Variants in ENTPD6 observed in about 807,000 individuals in gnomAD.
The protein encoded by ENTPD6 is CD39 antigen-like 2.
A neutral mutation model predicts 61.5 loss-of-function variants in ENTPD6; 46 were observed. That is an observed-to-expected ratio of 0.75 (90% confidence interval 0.59 to 0.96). The LOEUF (loss-of-function observed/expected upper bound fraction) is 0.96. Among genes scored for constraint, ENTPD6 ranks in the 40% least tolerant of loss-of-function variants. The pLI, the probability that ENTPD6 is intolerant of heterozygous loss-of-function variation, is 0.00. For synonymous variants in ENTPD6, 252 were observed against 255.5 expected, an observed-to-expected ratio of 0.99 and a Z score of 0.13; for missense variants, 612 against 629.0, an observed-to-expected ratio of 0.97 and a Z score of 0.29.
chr20:25,207,519 G>A (rs2091608250), intron 3 of ENTPD6, 122 bp downstream of exon 3: 9 of 842,262 alleles, frequency 1.1e-5, no homozygotes, highest in East Asian at 2.8e-5. Context: ...AGATGCTGAC[G>A]CTGGTATGGG....
At chr20:25,217,872 A>C (rs367945239) in intron 9 of ENTPD6, among the ~76,000 whole-genome samples, 148 of 120,030 alleles carry the variant, frequency 1.2e-3, no homozygotes, top group East Asian at 3.8e-3. Flanking sequence ...TACGCACATT[A>C]ACCCAGACCT....
Position 25,209,840 on chromosome 20 carries a change from T to G in ENTPD6, c.377-9T>G. 1 of 1,612,176 alleles carries G rather than the reference T, an allele frequency of 6.2e-7. No individual in the cohort carries two copies. Among genetic ancestry groups the G allele is most frequent in the Non-Finnish European group, 8.5e-7 (1 of 1,178,188 alleles). Reference sequence around the variant, plus strand: ...TAGTTGTACCCTTTTCAACATGTTTTCCCCTTAGAAACTCCCACGTTAACC... The same window carrying G: ...TAGTTGTACCCTTTTCAACATGTTTGCCCCTTAGAAACTCCCACGTTAACC... On this transcript the variant is annotated splice_polypyrimidine_tract_variant and intron_variant, in intron 3 of 14. Coordinates refer to ENST00000376652, the MANE Select transcript of ENTPD6 (RefSeq NM_001247.5).
intron 1 of ENTPD6, 61 bp from the exon 2 acceptor site, chr20:25,206,461 C>A: frequency 7.8e-7 from 1 of 1,281,922 alleles, no homozygotes; most frequent in Non-Finnish European, 1.1e-6. Context: ...ATTTATTTTG[C>A]TACTCTAGTA....
chr20:25,211,507 A>G (rs546364369), intron 4 of ENTPD6, among the ~76,000 whole-genome samples: 26 of 152,330 alleles, frequency 1.7e-4, no homozygotes, highest in Admixed American at 3.9e-4. Flanking sequence ...GTATGTAAAC[A>G]GAGTCATCTG....
At chr20:25,198,026 G>T (rs1318660814) in intron 1 of ENTPD6, among the ~76,000 whole-genome samples, 1 of 152,148 alleles carries the variant, frequency 6.6e-6, no homozygotes, top group African/African-American at 2.4e-5. Flanking sequence ...TGTGAGGCAG[G>T]CTTTGTGGGG....
intron 3 of ENTPD6, among the ~76,000 whole-genome samples, chr20:25,208,316 G>C (rs1198278551): frequency 6.6e-6 from 1 of 152,126 alleles, no homozygotes; most frequent in East Asian, 1.9e-4. Flanking sequence ...AAGTGGCTTC[G>C]AAGCCTGTAA....
At chr20:25,206,652 T>A in intron 2 of ENTPD6, 62 bp downstream of exon 2, 2 of 1,193,408 alleles carry the variant, frequency 1.7e-6, no homozygotes, top group South Asian at 1.2e-5. Context: ...GAAAAGTAAA[T>A]TGCCTGAATA....
At chr20:25,221,402 TC>T in intron 11 of ENTPD6, 69 bp downstream of exon 11, 1 of 1,175,870 alleles carries the variant, frequency 8.5e-7, no homozygotes, top group Non-Finnish European at 1.3e-6. Context: ...CCCTTGCCTT[TC>T]CCACATCCCA....
At chr20:25,221,823 G>A (rs1219965215) in intron 11 of ENTPD6, 8 of 248,486 alleles carry the variant, frequency 3.2e-5, no homozygotes, top group South Asian at 1.0e-4. Flanking sequence ...CTGGGCACTC[G>A]GCATGAGGGG....
chr20:25,217,893 C>T (rs2092413550), intron 9 of ENTPD6, among the ~76,000 whole-genome samples: 1 of 150,876 alleles, frequency 6.6e-6, no homozygotes, highest in South Asian at 2.1e-4. Context: ...CTCTCTCCTC[C>T]TCCTCCTCCC....
intron 11 of ENTPD6, chr20:25,221,598 C>G: frequency 4.1e-6 from 2 of 490,166 alleles, no homozygotes; most frequent in Non-Finnish European, 7.5e-6. Flanking sequence ...TCCTAACAGG[C>G]CTGCAGGGAG....
At position 25,222,854 on chromosome 20, in the gene ENTPD6, G is replaced by A. The variant is rs1211598553; in HGVS notation, c.1062G>A (p.Glu354=). 6.2e-7 allele frequency: 1 copy of A among 1,614,026 alleles called. No individual in the cohort carries two copies. The highest frequency in any genetic ancestry group is 1.7e-5 in the Admixed American group (1 of 60,026). ...TGTCCCCAGCGGCAAGCCTGCACGA[G>A]CTGTGTGCTGCCAGAGTGTCAGAGG... ...SGQKAAASLH[E]LCAARVSEVL... is the part of the protein sequence containing the mutation. The change falls in exon 12 of 15, where the codon GAG becomes GAA. Residue 354 remains glutamate (E), a synonymous_variant. Transcript: ENST00000376652.
intron 3 of ENTPD6, 148 bp from the exon 4 acceptor site, chr20:25,209,701 T>C: frequency 1.5e-6 from 1 of 657,430 alleles, no homozygotes; most frequent in Non-Finnish European, 2.7e-6. Flanking sequence ...AGAGTCAGAA[T>C]TTAGACAAGG....
At chr20:25,196,201 C>G in intron 1 of ENTPD6, 1 of 1,188,556 alleles carries the variant, frequency 8.4e-7, no homozygotes, top group Non-Finnish European at 1.0e-6. Flanking sequence ...ACAGACCCCT[C>G]CGCCCTGGAT....
chr20:25,199,328 C>T (rs573888751), intron 1 of ENTPD6, among the ~76,000 whole-genome samples: 1 of 152,258 alleles, frequency 6.6e-6, no homozygotes, highest in South Asian at 2.1e-4. Flanking sequence ...GAGAGTAGGG[C>T]GTGAGTGTGA....
intron 1 of ENTPD6, chr20:25,197,107 T>A (rs2090520241): frequency 1.0e-6 from 1 of 985,462 alleles, no homozygotes; most frequent in African/African-American, 1.7e-5. Context: ...TGATACAGCG[T>A]GCATGGCAGG....
intron 10 of ENTPD6, 99 bp downstream of exon 10, chr20:25,218,713 C>A: frequency 1.6e-6 from 2 of 1,233,942 alleles, no homozygotes; most frequent in Non-Finnish European, 1.1e-6. Context: ...CTTGGCCCTG[C>A]AGGAGAGGTC....
rs1466183698 is a variant in ENTPD6 at position 25,209,704 on chromosome 20, A to C, written c.377-145A>C. 2.1e-5 allele frequency: 14 copies of C among 660,724 alleles called. No homozygotes were observed. The South Asian group carries it at 2.3e-4, about 11-fold the overall frequency. 40.9% of individuals were successfully genotyped at this position (660,724 alleles called of 1,614,324 possible). On this transcript the variant is annotated intron_variant, in intron 3 of 14. Transcript: ENST00000376652. ...TCTGATGAACAAAGAGTCAGAATTT[A>C]GACAAGGAATAGCTGAAGGGCCCCT...
rs2092810882 is a variant in ENTPD6 at position 25,227,159 on chromosome 20, C to T, written c.*1562C>T. ...CCCCCAACCAACTGTCACAGGAGGA[C>T]AGGATCTGGCCCTAGGGCCTCCCAG... On this transcript the variant is annotated 3_prime_UTR_variant, in exon 15 of 15. Transcript: ENST00000376652. Among the ~76,000 whole-genome samples, 1 of 152,248 alleles carries T rather than the reference C, an allele frequency of 6.6e-6. No homozygotes were observed. Among genetic ancestry groups the T allele is most frequent in the African/African-American group, 2.4e-5 (1 of 41,466 alleles).
Sources: gnomAD v4.1 joint callset for allele counts (sites outside exome capture counted in the v4.1 genomes callset) on GRCh38, gnomAD v4.1.1 for gene constraint, MANE v1.5 for transcripts, NCBI Gene and HGNC (gene_info 2026-07-23, HGNC 2026-07-21) for gene names.